Variants in GNAI1 observed in about 807,000 individuals in gnomAD.
GNAI1 encodes the protein guanine nucleotide-binding protein G(i) subunit alpha-1.
In GNAI1, 11 loss-of-function variants were observed where a neutral mutation model predicts 38.9. That is an observed-to-expected ratio of 0.28 (90% CI 0.18 to 0.47). The LOEUF (loss-of-function observed/expected upper bound fraction) is 0.47, where lower values mean the gene tolerates loss of function less well. Ranked by LOEUF, GNAI1 falls within the 20% of genes least tolerant of loss-of-function variation. The pLI is 0.99. For synonymous variants in GNAI1, 166 were observed against 145.1 expected (o/e 1.14, Z -1.04); for missense variants, 317 against 436.9 (o/e 0.73, Z 2.45).
intron 1 of GNAI1, among the ~76,000 whole-genome samples, chr7:80,173,804 G>T (rs1347860960): frequency 6.6e-6 from 1 of 152,124 alleles, no homozygotes. Flanking sequence ...GCAGTCCTCA[G>T]TCTTTTACTA....
chr7:80,181,680 T>C (rs1388106446), intron 1 of GNAI1, among the ~76,000 whole-genome samples: 1 of 152,230 alleles, frequency 6.6e-6, no homozygotes, highest in Non-Finnish European at 1.5e-5. Context: ...TTCATTCATT[T>C]TTTTAAAACC....
In GNAI1 at chr7:80,212,877, C is replaced by G; in HGVS notation, c.874+8C>G. 1 of 1,537,214 alleles carries G rather than the reference C, an allele frequency of 6.5e-7. No individual in the cohort carries two copies. The highest frequency in any genetic ancestry group is 8.7e-7 in the Non-Finnish European group (1 of 1,143,854). On this transcript the variant is annotated splice_region_variant and intron_variant, in intron 7 of 7. Coordinates refer to ENST00000649796, the MANE Select transcript of GNAI1 (RefSeq NM_002069.6). ...GCTATCCAGAATATGCAGGTATTTT[C>G]CTTTTCTGGGAATAACTTGTCAAGT...
Position 80,225,733 on chromosome 7 carries a change from C to G in GNAI1, c.*8240C>G, listed in dbSNP as rs1164450044. On this transcript the variant is annotated 3_prime_UTR_variant, in exon 8 of 8. Coordinates refer to ENST00000649796, the MANE Select transcript of GNAI1 (RefSeq NM_002069.6). ...TGCAAATGGTTTGCTCTTTAACAGT[C>G]AATAAAATCATATCTACTAATCAAT... 1.3e-5 allele frequency among the ~76,000 whole-genome samples: 2 copies of G among 152,112 alleles called. No homozygotes were observed. The highest frequency in any genetic ancestry group is 1.9e-4 in the East Asian group (1 of 5,194).
chr7:80,143,632 A>G (rs1456121093), intron 1 of GNAI1, among the ~76,000 whole-genome samples: 2 of 152,154 alleles, frequency 1.3e-5, no homozygotes, highest in Non-Finnish European at 2.9e-5. Context: ...AAGTTTTCCC[A>G]TGAGACCTTG....
intron 4 of GNAI1, 42 bp from the exon 5 acceptor site, chr7:80,203,662 T>A: frequency 1.5e-6 from 2 of 1,300,512 alleles, no homozygotes; most frequent in Non-Finnish European, 2.2e-6. Flanking sequence ...CTTTATTGGC[T>A]ATATTTACCA....
At chr7:80,173,319 A>T (rs1299197103) in intron 1 of GNAI1, among the ~76,000 whole-genome samples, 1 of 152,148 alleles carries the variant, frequency 6.6e-6, no homozygotes, top group Non-Finnish European at 1.5e-5. Flanking sequence ...CCTGTTACGT[A>T]TGTTTTAGTA....
chr7:80,214,292 A>G (rs1228029693), intron 7 of GNAI1, among the ~76,000 whole-genome samples: 1 of 152,148 alleles, frequency 6.6e-6, no homozygotes, highest in Non-Finnish European at 1.5e-5. Flanking sequence ...TTTTGTGCTT[A>G]TTAGAAATAA....
At chr7:80,190,887 C>T (rs1384267112) in intron 3 of GNAI1, among the ~76,000 whole-genome samples, 1 of 151,544 alleles carries the variant, frequency 6.6e-6, no homozygotes, top group East Asian at 2.0e-4. Flanking sequence ...GTCGTTTTCT[C>T]TTTCTTTTTT....
chr7:80,183,147 T>TAC (rs1381742915), intron 1 of GNAI1, among the ~76,000 whole-genome samples: 2 of 152,204 alleles, frequency 1.3e-5, no homozygotes, highest in Admixed American at 1.3e-4. Context: ...ATATATTATA[T>TAC]ACATTTCAAA....
intron 1 of GNAI1, among the ~76,000 whole-genome samples, chr7:80,143,904 A>ATG (rs796509056): frequency 6.2e-4 from 47 of 76,266 alleles, no homozygotes; most frequent in Non-Finnish European, 9.0e-4. Context: ...CTTAGCAAGG[A>ATG]TGTGTGTGTG....
At chr7:80,143,370 C>T (rs148873938) in intron 1 of GNAI1, among the ~76,000 whole-genome samples, 104 of 152,202 alleles carry the variant, frequency 6.8e-4, no homozygotes, top group Admixed American at 1.4e-3. Flanking sequence ...TAGCTTGCCT[C>T]TCAGATATTA....
chr7:80,203,131 T>C (rs112513127), intron 4 of GNAI1, among the ~76,000 whole-genome samples: 14 of 152,304 alleles, frequency 9.2e-5, no homozygotes, highest in African/African-American at 3.1e-4. Flanking sequence ...CAGAGAGTAT[T>C]ACATGAGTGA....
At chr7:80,201,271 G>A (rs1207886815) in intron 4 of GNAI1, among the ~76,000 whole-genome samples, 1 of 152,182 alleles carries the variant, frequency 6.6e-6, no homozygotes, top group African/African-American at 2.4e-5. Context: ...TTTGAGTCGA[G>A]TCCAGCAAAA....
intron 1 of GNAI1, among the ~76,000 whole-genome samples, chr7:80,147,893 A>G (rs1787655720): frequency 1.3e-5 from 2 of 152,330 alleles, no homozygotes; most frequent in African/African-American, 4.8e-5. Flanking sequence ...ACAAATATTT[A>G]TAGAATGCCA....
chr7:80,168,033 A>G (rs979618492), intron 1 of GNAI1, among the ~76,000 whole-genome samples: 17 of 152,212 alleles, frequency 1.1e-4, no homozygotes, highest in African/African-American at 3.4e-4. Flanking sequence ...AACCACACCA[A>G]TGACCAAAAA....
chr7:80,195,198 A>G (rs1238800869), intron 3 of GNAI1, among the ~76,000 whole-genome samples: 1 of 151,814 alleles, frequency 6.6e-6, no homozygotes, highest in Non-Finnish European at 1.5e-5. Context: ...TAAGATTTAT[A>G]AATTTGTATA....
chr7:80,172,336 A>G (rs553608870), intron 1 of GNAI1, among the ~76,000 whole-genome samples: 4 of 152,320 alleles, frequency 2.6e-5, no homozygotes, highest in South Asian at 2.1e-4. Context: ...GGAATATGCA[A>G]TTTGGGAGCT....
intron 1 of GNAI1, among the ~76,000 whole-genome samples, chr7:80,145,640 G>T (rs2116084216): frequency 6.6e-6 from 1 of 151,896 alleles, no homozygotes; most frequent in East Asian, 1.9e-4. Context: ...TTTATTTTCT[G>T]GCTTTTTCAA....
At chr7:80,181,080 T>C (rs550922398) in intron 1 of GNAI1, among the ~76,000 whole-genome samples, 4 of 152,248 alleles carry the variant, frequency 2.6e-5, no homozygotes, top group Non-Finnish European at 5.9e-5. Flanking sequence ...AATCACTGTA[T>C]CTTAAGTGAT....
Sources: gnomAD v4.1 joint callset for allele counts (sites outside exome capture counted in the v4.1 genomes callset) on GRCh38, gnomAD v4.1.1 for gene constraint, MANE v1.5 for transcripts, NCBI Gene and HGNC (gene_info 2026-07-23, HGNC 2026-07-21) for gene names.